The following SORL1 variants were observed in gnomAD, a reference collection of about 807,000 sequenced individuals.
SORL1 encodes the protein sortilin-related receptor.
SORL1 carries 127 observed loss-of-function variants against 273.7 expected under a neutral mutation model. The ratio of observed to expected loss-of-function variants is 0.46; its 90% confidence interval spans 0.40 to 0.54. The LOEUF (loss-of-function observed/expected upper bound fraction) is 0.54, where lower values mean the gene tolerates loss of function less well. Ranked by LOEUF, SORL1 falls within the 20% of genes least tolerant of loss-of-function variation. The pLI, the probability that SORL1 is intolerant of heterozygous loss-of-function variation, is 0.00. For missense variants in SORL1, 2,494 were observed against 2,846.1 expected, an observed-to-expected ratio of 0.88 and a Z score of 2.81; for synonymous variants, 1,031 against 1,067.4, an observed-to-expected ratio of 0.97 and a Z score of 0.66.
intron 3 of SORL1, among the ~76,000 whole-genome samples, chr11:121,482,141 A>C (rs1355932804): frequency 1.3e-5 from 2 of 152,148 alleles, no homozygotes; most frequent in African/African-American, 4.8e-5. Context: ...TTTGGACTTG[A>C]AGGAGGAGGG....
chr11:121,589,958 C>A, intron 29 of SORL1, 82 bp from the exon 30 acceptor site: 1 of 1,535,868 alleles, frequency 6.5e-7, no homozygotes, highest in Non-Finnish European at 8.9e-7. Flanking sequence ...GAACTTGGGT[C>A]TGGAGGAGGA....
intron 44 of SORL1, 38 bp downstream of exon 44, chr11:121,621,276 C>T (rs1453889930): frequency 1.3e-6 from 2 of 1,572,322 alleles, no homozygotes; most frequent in Non-Finnish European, 1.7e-6. Context: ...CTCACACAGC[C>T]TGCCCTCAGT....
At chr11:121,509,104 T>C (rs1861834290) in intron 6 of SORL1, among the ~76,000 whole-genome samples, 1 of 152,266 alleles carries the variant, frequency 6.6e-6, no homozygotes, top group South Asian at 2.1e-4. Context: ...TTAGCTATGT[T>C]TCATTTATGA....
In SORL1 at chr11:121,542,646, A is replaced by G. The variant is rs570505785; in HGVS notation, c.1686-902A>G. Among the ~76,000 whole-genome samples the G allele has an allele frequency of 2.6e-5, 4 of 152,144 alleles. No homozygotes were observed. In the East Asian group the frequency reaches 7.7e-4, roughly 29 times the overall value. On this transcript the variant is annotated intron_variant, in intron 12 of 47. Coordinates refer to ENST00000260197, the MANE Select transcript of SORL1 (RefSeq NM_003105.6). Reference sequence around the variant, plus strand: ...TAAGATTGTGACTCTCTGATCATTCATTGTAAGATTATGTTTTGTAAAATT... The same window carrying G: ...TAAGATTGTGACTCTCTGATCATTCGTTGTAAGATTATGTTTTGTAAAATT...
intron 33 of SORL1, 25 bp from the exon 34 acceptor site, chr11:121,605,088 G>GA (rs1863449149): frequency 6.3e-7 from 1 of 1,590,744 alleles, no homozygotes; most frequent in Non-Finnish European, 8.6e-7. Context: ...AACTTTGTTT[G>GA]TCTTTTTCTC....
intron 32 of SORL1, among the ~76,000 whole-genome samples, chr11:121,600,980 TA>T (rs1315509822): frequency 6.6e-6 from 1 of 151,998 alleles, no homozygotes; most frequent in Non-Finnish European, 1.5e-5. Flanking sequence ...TGTGCCATGC[TA>T]GTGTGCTGCA....
intron 37 of SORL1, 62 bp from the exon 38 acceptor site, chr11:121,608,042 T>C: frequency 1.4e-6 from 2 of 1,441,598 alleles, no homozygotes; most frequent in Non-Finnish European, 1.9e-6. Flanking sequence ...TCAGTATTCT[T>C]ACTGTATGGT....
intron 1 of SORL1, among the ~76,000 whole-genome samples, chr11:121,458,068 T>A (rs896206844): frequency 1.3e-5 from 2 of 152,208 alleles, no homozygotes; most frequent in Non-Finnish European, 2.9e-5. Flanking sequence ...TTCCACCCAC[T>A]GTAATGGAGG....
intron 35 of SORL1, among the ~76,000 whole-genome samples, chr11:121,606,216 C>T (rs1863470877): frequency 6.6e-6 from 1 of 152,152 alleles, no homozygotes; most frequent in Non-Finnish European, 1.5e-5. Context: ...AGCCACTGCA[C>T]CTGGCTTTGT....
In SORL1 at chr11:121,558,670, C is replaced by A. The variant is rs1175291340; in HGVS notation, c.2743C>A (p.Leu915Met). The A allele has an allele frequency of 1.2e-6, 2 of 1,614,046 alleles. No individual in the cohort carries two copies. Among genetic ancestry groups the A allele is most frequent in the South Asian group, 2.2e-5 (2 of 91,056 alleles). The change falls in exon 20 of 48, where the codon CTG (leucine) becomes ATG (methionine). Residue 915 changes from leucine (L) to methionine (M), a missense_variant. Leu to Met is a conservative substitution (Grantham distance 15). Transcript: ENST00000260197. ...TATGGATGGTTCTGCTGCCTATCAC[C>A]TGGTGTCTGAGGATGTGAAGTGGCC... is the stretch of plus-strand genomic sequence containing the variant. ...SNMDGSAAYH[L>M]VSEDVKWPNG... is the part of the protein sequence containing the mutation.
At chr11:121,485,321 C>T (rs1251386210) in intron 3 of SORL1, among the ~76,000 whole-genome samples, 1 of 152,050 alleles carries the variant, frequency 6.6e-6, no homozygotes, top group Non-Finnish European at 1.5e-5. Context: ...GAAATGTTGC[C>T]GTTTTGTTAA....
intron 1 of SORL1, among the ~76,000 whole-genome samples, chr11:121,456,281 AC>A (rs1387359787): frequency 1.3e-5 from 2 of 152,060 alleles, no homozygotes; most frequent in African/African-American, 4.8e-5. Flanking sequence ...GGCAGCACTT[AC>A]TGCCTTGTGT....
In SORL1 at chr11:121,632,187, G is replaced by A. The variant is rs1863885971; in HGVS notation, c.*2624G>A. The A allele has an allele frequency of 6.6e-6, 1 of 152,204 alleles. No homozygotes were observed. The highest frequency in any genetic ancestry group is 1.5e-5 in the Non-Finnish European group (1 of 68,040). The allele number at this position is 152,204 out of a possible 1,614,324, so 9.4% of individuals were successfully genotyped here. On this transcript the variant is annotated 3_prime_UTR_variant, in exon 48 of 48. Coordinates refer to ENST00000260197, the MANE Select transcript of SORL1 (RefSeq NM_003105.6). ...GCATACATTAGAATGTCAGATGCTT[G>A]CATCCATGTGGACCACGATGGGCCT...
chr11:121,620,293 T>C (rs1863704980), intron 43 of SORL1, among the ~76,000 whole-genome samples: 1 of 152,234 alleles, frequency 6.6e-6, no homozygotes. Flanking sequence ...TTATATATTA[T>C]ATCTGACCAC....
chr11:121,629,482 T>C lies in SORL1; in HGVS notation c.6578-14T>C, dbSNP rs778783686. 4.1e-6 allele frequency: 6 copies of C among 1,477,042 alleles called. No homozygotes were observed. Among genetic ancestry groups the C allele is most frequent in the Non-Finnish European group, 5.7e-6 (6 of 1,054,812 alleles). The allele number at this position is 1,477,042 out of a possible 1,614,324, so 91.5% of individuals were successfully genotyped here. A position where few individuals can be genotyped will look rare whatever the true frequency, so the allele number is the denominator to read the frequency against. On this transcript the variant is annotated splice_polypyrimidine_tract_variant and intron_variant, in intron 47 of 47. Transcript: ENST00000260197. The stretch of plus-strand genomic sequence containing the variant: ...GTGTTGGAACTCACCAAGGCCTGAC[T>C]GTTTTGTCTCTAGGGGAAGATGATG...
At position 121,608,420 on chromosome 11, in the gene SORL1, T is replaced by C. The variant is rs148208654; in HGVS notation, c.5239+244T>C. On this transcript the variant is annotated intron_variant, in intron 38 of 47. Coordinates refer to ENST00000260197, the MANE Select transcript of SORL1 (RefSeq NM_003105.6). ...CTTCTAATGCAGACATACAAAGGGA[T>C]TTCCAAAGGCCATCATGCGCAGCCC... is the stretch of plus-strand genomic sequence containing the variant. The C allele has an allele frequency of 7.5e-4, 356 of 474,542 alleles. 5 individuals are homozygous for C. In the East Asian group the frequency reaches 0.012, roughly 16 times the overall value. 29.4% of individuals were successfully genotyped at this position (474,542 alleles called of 1,614,324 possible). A position where few individuals can be genotyped will look rare whatever the true frequency, so the allele number is the denominator to read the frequency against.
intron 19 of SORL1, 32 bp downstream of exon 19, chr11:121,557,437 G>A (rs1419437723): frequency 6.9e-7 from 1 of 1,448,622 alleles, no homozygotes; most frequent in Non-Finnish European, 9.7e-7. Context: ...AATCAGTCTT[G>A]CGTCCAATGC....
At chr11:121,594,391 T>C (rs1470656358) in intron 31 of SORL1, among the ~76,000 whole-genome samples, 1 of 152,096 alleles carries the variant, frequency 6.6e-6, no homozygotes, top group Non-Finnish European at 1.5e-5. Context: ...GATCTGGTCT[T>C]CTTCCTTATT....
intron 32 of SORL1, among the ~76,000 whole-genome samples, chr11:121,600,468 A>T (rs1246263327): frequency 6.6e-6 from 1 of 152,220 alleles, no homozygotes. Context: ...ACTCACCAAA[A>T]TGACAGTAGG....
Sources: gnomAD v4.1 joint callset for allele counts (sites outside exome capture counted in the v4.1 genomes callset) on GRCh38, gnomAD v4.1.1 for gene constraint, MANE v1.5 for transcripts, NCBI Gene and HGNC (gene_info 2026-07-23, HGNC 2026-07-21) for gene names.